UCP2: variants seen among roughly 807,000 people sequenced by gnomAD.
UCP2 encodes the protein dicarboxylate carrier SLC25A8.
A neutral mutation model predicts 31.3 loss-of-function variants in UCP2; 27 were observed. That is an observed-to-expected ratio of 0.86 (90% CI 0.64 to 1.19). The LOEUF is 1.19. UCP2 is among the 50% of genes most tolerant of loss of function. The probability of loss-of-function intolerance (pLI) is 0.00; values close to 1 mark genes in which losing one functional copy is unlikely to be tolerated. For synonymous variants in UCP2, 142 were observed against 157.4 expected (o/e 0.90, Z 0.73); for missense variants, 377 against 413.5 (o/e 0.91, Z 0.76).
chr11:73,975,433 C>T, intron 7 of UCP2, 58 bp downstream of exon 7: 1 of 1,555,292 alleles, frequency 6.4e-7, no homozygotes, highest in Non-Finnish European at 8.7e-7. Flanking sequence ...CTCTCCCACC[C>T]ACAATAGACA....
chr11:73,975,361 TG>T, intron 7 of UCP2, 129 bp downstream of exon 7: 2 of 1,178,918 alleles, frequency 1.7e-6, no homozygotes, highest in Non-Finnish European at 1.2e-6. Flanking sequence ...TGAATGCTGG[TG>T]AAATGCCAGG....
intron 4 of UCP2, 43 bp from the exon 5 acceptor site, chr11:73,977,060 C>G: frequency 6.4e-7 from 1 of 1,553,258 alleles, no homozygotes; most frequent in East Asian, 2.3e-5. Flanking sequence ...GGCTTGCACT[C>G]ATTTTCTACC....
At chr11:73,976,598 T>C (rs778503592) in intron 6 of UCP2, 43 bp downstream of exon 6, 2 of 1,509,414 alleles carry the variant, frequency 1.3e-6, no homozygotes, top group Non-Finnish European at 1.8e-6. Flanking sequence ...GCTCCTGGCA[T>C]GGGGGAAGGG....
chr11:73,978,823 T>G (rs1318738232), intron 2 of UCP2: 1 of 293,862 alleles, frequency 3.4e-6, no homozygotes, highest in Non-Finnish European at 6.6e-6. Context: ...CTTCTGTGGT[T>G]CATCTGGAGA....
At chr11:73,982,459 C>G (rs1951475506) in intron 1 of UCP2, among the ~76,000 whole-genome samples, 1 of 152,172 alleles carries the variant, frequency 6.6e-6, no homozygotes, top group South Asian at 2.1e-4. Context: ...GTGGCGGGCG[C>G]CTGTAATCCC....
chr11:73,979,119 G>A (rs1405539914), intron 2 of UCP2, among the ~76,000 whole-genome samples: 1 of 152,234 alleles, frequency 6.6e-6, no homozygotes, highest in Non-Finnish European at 1.5e-5. Context: ...CTCTAGAGGA[G>A]GCTTACTGTT....
chr11:73,974,908 G>T lies in UCP2; in HGVS notation c.*99C>A. 2 of 993,750 alleles carry T rather than the reference G, an allele frequency of 2.0e-6. No individual in the cohort carries two copies. Among genetic ancestry groups the T allele is most frequent in the Non-Finnish European group, 3.1e-6 (2 of 639,540 alleles). The allele number at this position is 993,750 out of a possible 1,614,324, so 61.6% of individuals were successfully genotyped here. A position where few individuals can be genotyped will look rare whatever the true frequency, so the allele number is the denominator to read the frequency against. Reference sequence around the variant, plus strand: ...AAGGAAGAGGTGGGGAAAGAGGGAAGGAGAGAAGGGAAGGAGGGAAGAGAA... The same window carrying T: ...AAGGAAGAGGTGGGGAAAGAGGGAATGAGAGAAGGGAAGGAGGGAAGAGAA... On this transcript the variant is annotated 3_prime_UTR_variant, in exon 8 of 8. Coordinates refer to ENST00000663595, the MANE Select transcript of UCP2 (RefSeq NM_003355.3).
At position 73,976,964 on chromosome 11, in the gene UCP2, C is replaced by A; in HGVS notation, c.391G>T (p.Val131Leu). The part of the protein sequence containing the change: ...LAGSTTGALA[V>L]AVAQPTDVVK... ...ACATCCGTGGGCTGGGCCACAGCCA[C>A]AGCCAGGGCACCTGTGGTGCTGCCT... Residue 131 changes from valine to leucine, a missense_variant, in exon 5 of 8, where the codon GTG (valine) becomes TTG (leucine). Coordinates refer to ENST00000663595, the MANE Select transcript of UCP2 (RefSeq NM_003355.3). 1 of 1,608,474 alleles carries A rather than the reference C, an allele frequency of 6.2e-7. No homozygotes were observed. The highest frequency in any genetic ancestry group is 2.2e-5 in the East Asian group (1 of 44,726).
intron 6 of UCP2, 37 bp from the exon 7 acceptor site, chr11:73,975,708 C>T (rs982943622): frequency 2.5e-6 from 4 of 1,612,358 alleles, no homozygotes; most frequent in Non-Finnish European, 3.4e-6. Context: ...TCAAGATCTT[C>T]ACCCATCATT....
chr11:73,978,113 G>C lies in UCP2; in HGVS notation c.127-17C>G, dbSNP rs772809821. 1 of 1,613,972 alleles carries C rather than the reference G, an allele frequency of 6.2e-7. No homozygotes were observed. The highest frequency in any genetic ancestry group is 2.2e-5 in the East Asian group (1 of 44,868). On this transcript the variant is annotated splice_polypyrimidine_tract_variant and intron_variant, in intron 3 of 7. Transcript: ENST00000663595. The stretch of plus-strand genomic sequence containing the variant: ...TCCTTGGATCTGCAAGGCCAAGACA[G>C]GGTAGCTACAGGGATAAGCATGTTG...
chr11:73,977,645 G>A (rs1951375567), intron 4 of UCP2, among the ~76,000 whole-genome samples: 1 of 151,996 alleles, frequency 6.6e-6, no homozygotes, highest in Admixed American at 6.6e-5. Flanking sequence ...ATAACACTGG[G>A]ATGATACTAC....
At chr11:73,979,010 T>C (rs951246775) in intron 2 of UCP2, among the ~76,000 whole-genome samples, 5 of 152,218 alleles carry the variant, frequency 3.3e-5, no homozygotes, top group Non-Finnish European at 7.3e-5. Context: ...TCTAATTCTC[T>C]CCTCCAGCTC....
At chr11:73,981,063 T>C (rs1951445315) in intron 2 of UCP2, 1 of 152,124 alleles carries the variant, frequency 6.6e-6, no homozygotes, top group Non-Finnish European at 1.5e-5. Flanking sequence ...GGACTAGAAA[T>C]AGTTAATCCT....
At chr11:73,976,332 A>G (rs1951344105) in intron 6 of UCP2, among the ~76,000 whole-genome samples, 1 of 152,078 alleles carries the variant, frequency 6.6e-6, no homozygotes, top group Non-Finnish European at 1.5e-5. Flanking sequence ...CGGGTAACAG[A>G]GTGAGACTCT....
At chr11:73,977,583 C>T (rs1331889028) in intron 4 of UCP2, among the ~76,000 whole-genome samples, 1 of 152,178 alleles carries the variant, frequency 6.6e-6, no homozygotes, top group Non-Finnish European at 1.5e-5. Context: ...CTGTGTGCCC[C>T]TGGCCAAGTC....
intron 2 of UCP2, among the ~76,000 whole-genome samples, chr11:73,979,412 T>A (rs975105215): frequency 6.6e-5 from 10 of 152,146 alleles, no homozygotes; most frequent in African/African-American, 1.9e-4. Flanking sequence ...CTGGGTGTGT[T>A]GGCACACGCC....
intron 4 of UCP2, 128 bp from the exon 5 acceptor site, chr11:73,977,145 C>T: frequency 1.1e-6 from 1 of 945,156 alleles, no homozygotes; most frequent in South Asian, 1.7e-5. Flanking sequence ...AGCTTTTGGC[C>T]TTCTACAAGC....
At chr11:73,979,608 CT>C (rs1395822028) in intron 2 of UCP2, among the ~76,000 whole-genome samples, 1 of 152,076 alleles carries the variant, frequency 6.6e-6, no homozygotes, top group East Asian at 1.9e-4. Flanking sequence ...GGGAGGACTG[CT>C]TGAACCCAGG....
chr11:73,977,984 T>C lies in UCP2; in HGVS notation c.239A>G (p.Asn80Ser), dbSNP rs1417036226. The C allele has an allele frequency of 6.2e-7, 1 of 1,614,092 alleles. No homozygotes were observed. The highest frequency in any genetic ancestry group is 8.5e-7 in the Non-Finnish European group (1 of 1,180,032). Reference protein sequence around the residue: ...VRTEGPRSLYNGLVAGLQRQM... With the variant: ...VRTEGPRSLYSGLVAGLQRQM... ...GCGCTGCAGGCCGGCAACCAGCCCA[T>C]TGTAGAGGCTTCGGGGGCCCTCAGT... Residue 80 changes from asparagine (N) to serine (S), a missense_variant, in exon 4 of 8, where the codon AAT becomes AGT. Physicochemically the swap from Asn to Ser is conservative, Grantham distance 46. Transcript: ENST00000663595.
Sources: gnomAD v4.1 joint callset for allele counts (sites outside exome capture counted in the v4.1 genomes callset) on GRCh38, gnomAD v4.1.1 for gene constraint, MANE v1.5 for transcripts, NCBI Gene and HGNC (gene_info 2026-07-23, HGNC 2026-07-21) for gene names.